Variants in EBF3 observed in about 807,000 individuals in gnomAD.
The protein encoded by EBF3 is transcription factor COE3.
A neutral mutation model predicts 77.1 loss-of-function variants in EBF3; 18 were observed. The ratio of observed to expected loss-of-function variants is 0.23; its 90% CI spans 0.16 to 0.35. EBF3 has a LOEUF of 0.35. Ranked by LOEUF, EBF3 falls within the 10% of genes least tolerant of loss-of-function variation. EBF3 has a pLI of 1.00. For synonymous variants in EBF3, 350 were observed against 343.5 expected (o/e 1.02, Z -0.21); for missense variants, 558 against 860.0 (o/e 0.65, Z 4.39).
chr10:129,963,180 G>A lies in EBF3; in HGVS notation c.292-175C>T. The A allele has an allele frequency of 1.7e-6, 2 of 1,156,612 alleles. No homozygotes were observed. The highest frequency in any genetic ancestry group is 3.0e-5 in the South Asian group (2 of 66,194). The allele number at this position is 1,156,612 out of a possible 1,614,324, so 71.6% of individuals were successfully genotyped here. ...AAGCCCAGCGTTCTCCTCGCCCCGAGTAAGTCCGAGGGCGCAGAGAAGTTG... is the reference window on the plus strand; with the variant it reads ...AAGCCCAGCGTTCTCCTCGCCCCGAATAAGTCCGAGGGCGCAGAGAAGTTG... On this transcript the variant is annotated intron_variant, in intron 2 of 16. Coordinates refer to ENST00000440978, the MANE Select transcript of EBF3 (RefSeq NM_001375380.1). The surrounding 1 kb of genome is among the most constrained non-coding windows in gnomAD (Gnocchi z 7.1).
intron 11 of EBF3, chr10:129,843,461 C>T (rs1000426077): frequency 2.8e-5 from 12 of 426,344 alleles, no homozygotes; most frequent in Non-Finnish European, 5.1e-5. Context: ...CAGAGGTGCA[C>T]GGACAAGCGG....
intron 6 of EBF3, among the ~76,000 whole-genome samples, chr10:129,921,005 G>A (rs774714450): frequency 6.6e-6 from 1 of 152,092 alleles, no homozygotes; most frequent in Non-Finnish European, 1.5e-5. Context: ...GGGACAGGGA[G>A]GGGTAGCCTG....
At position 129,935,239 on chromosome 10, in the gene EBF3, A is replaced by G. The variant is rs1342949243; in HGVS notation, c.554+22019T>C. Among the ~76,000 whole-genome samples, 1 of 152,118 alleles carries G rather than the reference A, an allele frequency of 6.6e-6. No homozygotes were observed. The highest frequency in any genetic ancestry group is 1.5e-5 in the Non-Finnish European group (1 of 68,004). The stretch of plus-strand genomic sequence containing the variant: ...TGAAGGTCCCACTCGCACCTGTCAC[A>G]GCAGCCACTGTGGCCCATGGCTGTC... On this transcript the variant is annotated intron_variant, in intron 6 of 16. Coordinates refer to ENST00000440978, the MANE Select transcript of EBF3 (RefSeq NM_001375380.1). This position sits in a 1 kb window ranked among gnomAD's most constrained non-coding sequence, Gnocchi z 4.2.
At chr10:129,913,113 G>C (rs1432740414) in intron 6 of EBF3, among the ~76,000 whole-genome samples, 1 of 152,226 alleles carries the variant, frequency 6.6e-6, no homozygotes, top group African/African-American at 2.4e-5. Context: ...AGCTTTGTTC[G>C]AGCTAGGCAT....
intron 6 of EBF3, among the ~76,000 whole-genome samples, chr10:129,933,066 G>A (rs907122907): frequency 6.6e-6 from 1 of 152,078 alleles, no homozygotes; most frequent in Non-Finnish European, 1.5e-5. Flanking sequence ...GAAAGTGCGG[G>A]CGGCAGTGAC....
chr10:129,924,289 C>T (rs1335428600), intron 6 of EBF3, among the ~76,000 whole-genome samples: 1 of 152,088 alleles, frequency 6.6e-6, no homozygotes, highest in Non-Finnish European at 1.5e-5. Flanking sequence ...ATGGTACGTA[C>T]CTGTAATCCC....
intron 6 of EBF3, among the ~76,000 whole-genome samples, chr10:129,908,874 T>C (rs1855325599): frequency 6.6e-6 from 1 of 152,212 alleles, no homozygotes; most frequent in African/African-American, 2.4e-5. Context: ...GTATGGCCCA[T>C]AAGTCGACTC....
intron 11 of EBF3, among the ~76,000 whole-genome samples, chr10:129,844,177 C>T (rs1850288380): frequency 6.6e-6 from 1 of 152,178 alleles, no homozygotes; most frequent in Non-Finnish European, 1.5e-5. Context: ...GCACAGTGGC[C>T]TCCTGCGGAC....
chr10:129,840,186 T>G, intron 15 of EBF3, 59 bp downstream of exon 15: 23 of 744,666 alleles, frequency 3.1e-5, no homozygotes, highest in Non-Finnish European at 4.2e-5. Flanking sequence ...CCACCCCCAC[T>G]CCCATCCCCA....
At chr10:129,840,098 G>A (rs1406870107) in intron 15 of EBF3, 147 bp downstream of exon 15, 2 of 1,029,454 alleles carry the variant, frequency 1.9e-6, no homozygotes, top group Non-Finnish European at 2.8e-6. Context: ...TGAACACCAG[G>A]CAGAGGTGGC....
At position 129,961,519 on chromosome 10, in the gene EBF3, T is replaced by A. The variant is rs192202397; in HGVS notation, c.411+652A>T. Among the ~76,000 whole-genome samples, 12 of 152,260 alleles carry A rather than the reference T, an allele frequency of 7.9e-5. No homozygotes were observed. In the East Asian group the frequency reaches 2.3e-3, roughly 29 times the overall value. On this transcript the variant is annotated intron_variant, in intron 4 of 16. Transcript: ENST00000440978. ...GACCAAGACAGGTTAAATAATTTAA[T>A]AAGGAACTGCTTGTAATTATGTTAT...
chr10:129,931,932 T>C (rs547879388), intron 6 of EBF3, among the ~76,000 whole-genome samples: 1 of 152,226 alleles, frequency 6.6e-6, no homozygotes, highest in Admixed American at 6.5e-5. Context: ...GCCCAAGATG[T>C]GCAGATGTTT....
rs761468180 is a variant in EBF3, at chr10:129,844,083, C to T, written c.1129-881G>A. ...CCAAACCCCTCCCCAGCATGGAAGA[C>T]GGGCAGAGAGTTTCTTTCCAACTCC... is the stretch of plus-strand genomic sequence containing the variant. On this transcript the variant is annotated intron_variant, in intron 11 of 16. Transcript: ENST00000440978. Among the ~76,000 whole-genome samples, 46 of 152,328 alleles carry T rather than the reference C, an allele frequency of 3.0e-4. No individual in the cohort carries two copies. The Middle Eastern group carries it at 0.01, about 34-fold the overall frequency.
rs372920454 is a variant in EBF3, at chr10:129,840,860, A to G, written c.1545T>C (p.Ala515=). The change falls in exon 14 of 17, where the codon GCT becomes GCC. Residue 515 remains alanine, a synonymous_variant. Coordinates refer to ENST00000440978, the MANE Select transcript of EBF3 (RefSeq NM_001375380.1). ...GSPGFLNGSS[A]NSPYGIVPSS... is the part of the protein sequence containing the mutation. ...GACACTTACTGCCGTAGGGAGAGTT[A>G]GCGGAGGAGCCATTAAGAAATCCAG... is the stretch of plus-strand genomic sequence containing the variant. The G allele has an allele frequency of 3.4e-4, 553 of 1,613,508 alleles. 5 individuals are homozygous for G. In the South Asian group the frequency reaches 3.8e-3, roughly 11 times the overall value.
At chr10:129,889,266 T>C (rs1033992936) in intron 6 of EBF3, among the ~76,000 whole-genome samples, 1 of 152,146 alleles carries the variant, frequency 6.6e-6, no homozygotes, top group East Asian at 1.9e-4. Flanking sequence ...ACAGAGAGCA[T>C]GGGGGCCAAA....
intron 6 of EBF3, among the ~76,000 whole-genome samples, chr10:129,908,979 C>CA (rs1855334555): frequency 6.6e-6 from 1 of 152,214 alleles, no homozygotes; most frequent in African/African-American, 2.4e-5. Context: ...AAACCGTAGT[C>CA]AGAGTTAACA....
intron 10 of EBF3, among the ~76,000 whole-genome samples, chr10:129,849,766 T>A (rs947832058): frequency 6.6e-6 from 1 of 152,252 alleles, no homozygotes; most frequent in African/African-American, 2.4e-5. Flanking sequence ...AAAGCATTGA[T>A]CCGATGTATT....
At chr10:129,867,676 G>A in intron 9 of EBF3, 106 bp downstream of exon 9, 1 of 1,539,342 alleles carries the variant, frequency 6.5e-7, no homozygotes, top group Non-Finnish European at 8.8e-7. Context: ...TGTGTTAAAA[G>A]GGGAATTTGC....
intron 6 of EBF3, among the ~76,000 whole-genome samples, chr10:129,921,212 G>A (rs1372075652): frequency 6.6e-6 from 1 of 152,140 alleles, no homozygotes; most frequent in Non-Finnish European, 1.5e-5. Context: ...AGTGGGCAAG[G>A]GGTCCCTGAA....
Sources: allele counts gnomAD v4.1 joint callset (sites outside exome capture counted in the v4.1 genomes callset), GRCh38; gene constraint gnomAD v4.1.1; non-coding constraint Gnocchi (gnomAD v3.1); transcripts MANE v1.5; gene names NCBI Gene and HGNC (gene_info 2026-07-23, HGNC 2026-07-21).